The following FAM135B variants were observed in gnomAD, a reference collection of about 807,000 sequenced individuals.
FAM135B encodes family with sequence similarity 135 member B, also known as protein FAM135B.
In FAM135B, 43 loss-of-function variants were observed where a neutral mutation model predicts 127.7. The observed-to-expected ratio is 0.34, with a 90% CI of 0.26 to 0.43. The LOEUF (loss-of-function observed/expected upper bound fraction) is 0.43. Ranked by LOEUF, FAM135B falls within the 20% of genes least tolerant of loss-of-function variation. The pLI is 1.00. For missense variants in FAM135B, 1,558 were observed against 1,725.6 expected (o/e 0.90, Z 1.72); for synonymous variants, 670 against 665.1 (o/e 1.01, Z -0.11).
intron 9 of FAM135B, among the ~76,000 whole-genome samples, chr8:138,192,773 C>T (rs985251311): frequency 6.6e-6 from 1 of 152,214 alleles, no homozygotes; most frequent in Non-Finnish European, 1.5e-5. Flanking sequence ...AACAATAAAA[C>T]TCAGGGCTTC....
intron 12 of FAM135B, among the ~76,000 whole-genome samples, chr8:138,155,159 G>T (rs896258405): frequency 6.6e-6 from 1 of 152,162 alleles, no homozygotes; most frequent in Non-Finnish European, 1.5e-5. Flanking sequence ...TTAAAGAAAA[G>T]AACTTTCAAC....
chr8:138,365,828 C>T (rs1830697601), intron 2 of FAM135B, among the ~76,000 whole-genome samples: 1 of 152,188 alleles, frequency 6.6e-6, no homozygotes, highest in African/African-American at 2.4e-5. Context: ...TTTGCAATGT[C>T]AGTCTGTGTT....
At chr8:138,468,816 G>A (rs575917061) in intron 1 of FAM135B, among the ~76,000 whole-genome samples, 15 of 152,258 alleles carry the variant, frequency 9.9e-5, no homozygotes, top group East Asian at 7.7e-4. Flanking sequence ...AGGCCAAGGC[G>A]GGCAGATCAC....
chr8:138,214,570 A>C (rs1818401728), intron 7 of FAM135B, among the ~76,000 whole-genome samples: 1 of 152,220 alleles, frequency 6.6e-6, no homozygotes, highest in African/African-American at 2.4e-5. Context: ...ACAAATAAAG[A>C]TGTCTGCATC....
chr8:138,301,371 AT>A (rs1554659140), intron 3 of FAM135B, among the ~76,000 whole-genome samples: 1 of 151,992 alleles, frequency 6.6e-6, no homozygotes, highest in Non-Finnish European at 1.5e-5. Context: ...AACAATCAGG[AT>A]TTTTTTTCTT....
At chr8:138,260,384 C>T (rs917259819) in intron 4 of FAM135B, among the ~76,000 whole-genome samples, 1 of 152,124 alleles carries the variant, frequency 6.6e-6, no homozygotes, top group Non-Finnish European at 1.5e-5. Context: ...CATCCATCGC[C>T]GAATCACGGG....
chr8:138,339,404 A>G (rs1262679651), intron 2 of FAM135B, among the ~76,000 whole-genome samples: 1 of 148,200 alleles, frequency 6.7e-6, no homozygotes, highest in Non-Finnish European at 1.5e-5. Context: ...TCCAATGTAA[A>G]CTATTTTCCC....
At position 138,222,639 on chromosome 8, in the gene FAM135B, G is replaced by GT. The variant is rs1266888645; in HGVS notation, c.669+20302dup. 1.8e-4 allele frequency among the ~76,000 whole-genome samples: 27 copies of GT among 148,066 alleles called. No homozygotes were observed. In the South Asian group the frequency reaches 3.2e-3, roughly 18 times the overall value. On this transcript the variant is annotated intron_variant, in intron 7 of 19. Coordinates refer to ENST00000395297, the MANE Select transcript of FAM135B (RefSeq NM_015912.4). The stretch of plus-strand genomic sequence containing the variant: ...AATAGTTATATTTAGATGTGGTGGG[G>GT]TTTTTTGTTTGTTTGTTTGTAGGAT...
chr8:138,352,867 T>A (rs1245097594), intron 2 of FAM135B, among the ~76,000 whole-genome samples: 1 of 152,134 alleles, frequency 6.6e-6, no homozygotes, highest in African/African-American at 2.4e-5. Flanking sequence ...AAACTACTCA[T>A]CAATAGGATT....
intron 1 of FAM135B, among the ~76,000 whole-genome samples, chr8:138,401,460 C>T (rs997965729): frequency 5.3e-5 from 8 of 152,166 alleles, no homozygotes; most frequent in African/African-American, 1.7e-4. Flanking sequence ...TGAGCAGGCA[C>T]ACAGGAGGCA....
chr8:138,184,603 GC>G (rs569107153), intron 9 of FAM135B, among the ~76,000 whole-genome samples: 90 of 152,232 alleles, frequency 5.9e-4, no homozygotes, highest in African/African-American at 2.1e-3. Context: ...TGCTGCCAAG[GC>G]CCCTGGAACC....
intron 7 of FAM135B, among the ~76,000 whole-genome samples, chr8:138,222,482 C>T (rs934933064): frequency 5.3e-5 from 8 of 152,114 alleles, no homozygotes; most frequent in Admixed American, 1.3e-4. Context: ...ATGATTCACA[C>T]AGTCCATTGA....
chr8:138,347,176 C>T (rs1015674481), intron 2 of FAM135B, among the ~76,000 whole-genome samples: 1 of 152,202 alleles, frequency 6.6e-6, no homozygotes, highest in Non-Finnish European at 1.5e-5. Context: ...CCAGGAGGAC[C>T]TGGCTCCTCA....
chr8:138,473,850 G>A (rs1351622352), intron 1 of FAM135B, among the ~76,000 whole-genome samples: 1 of 151,942 alleles, frequency 6.6e-6, no homozygotes, highest in Non-Finnish European at 1.5e-5. Context: ...GAGAGAGAGA[G>A]AGACTTTTCA....
chr8:138,181,863 C>T (rs1815073108), intron 9 of FAM135B, among the ~76,000 whole-genome samples: 1 of 152,184 alleles, frequency 6.6e-6, no homozygotes, highest in Non-Finnish European at 1.5e-5. Context: ...CTCATAGCAC[C>T]TCCACCCACA....
intron 3 of FAM135B, among the ~76,000 whole-genome samples, chr8:138,279,862 T>C (rs546717090): frequency 3.3e-5 from 5 of 152,154 alleles, no homozygotes; most frequent in African/African-American, 4.8e-5. Flanking sequence ...GTGACCTAGA[T>C]CAGTACTTTA....
intron 10 of FAM135B, 55 bp from the exon 11 acceptor site, chr8:138,177,475 C>T (rs1814583989): frequency 1.4e-6 from 2 of 1,440,748 alleles, no homozygotes; most frequent in Non-Finnish European, 1.9e-6. Context: ...ATTACCTGCA[C>T]TTTCTTTTTT....
intron 1 of FAM135B, among the ~76,000 whole-genome samples, chr8:138,486,464 A>G (rs2131688676): frequency 6.6e-6 from 1 of 152,262 alleles, no homozygotes; most frequent in South Asian, 2.1e-4. Context: ...CTGGCACTCT[A>G]TCACCCAGTT....
At position 138,474,991 on chromosome 8, in the gene FAM135B, G is replaced by A. The variant is rs910271817; in HGVS notation, c.-20+21680C>T. Among the ~76,000 whole-genome samples, 8 of 152,250 alleles carry A rather than the reference G, an allele frequency of 5.3e-5. No homozygotes were observed. The South Asian group carries it at 6.2e-4, about 12-fold the overall frequency. On this transcript the variant is annotated intron_variant, in intron 1 of 19. Coordinates refer to ENST00000395297, the MANE Select transcript of FAM135B (RefSeq NM_015912.4). ...GCTTTTCCAGACCTGTCTGTGACACGCATTCTCAGTATCACTCACTTTGGG... is the reference window on the plus strand; with the variant it reads ...GCTTTTCCAGACCTGTCTGTGACACACATTCTCAGTATCACTCACTTTGGG...
Sources: gnomAD v4.1 joint callset for allele counts (sites outside exome capture counted in the v4.1 genomes callset) on GRCh38, gnomAD v4.1.1 for gene constraint, MANE v1.5 for transcripts, NCBI Gene and HGNC (gene_info 2026-07-23, HGNC 2026-07-21) for gene names.